The following SLC25A13 variants were observed in gnomAD, a reference collection of about 807,000 sequenced individuals.
SLC25A13 encodes the protein solute carrier family 25 member 13.
SLC25A13 carries 70 observed loss-of-function variants against 85.5 expected under a neutral mutation model. That is an observed-to-expected ratio of 0.82 (90% confidence interval 0.68 to 1.00). The LOEUF is 1.00. SLC25A13 is among the 50% of genes least tolerant of loss of function. SLC25A13 has a pLI of 0.00. For missense variants in SLC25A13, 765 were observed against 819.8 expected (o/e 0.93, Z 0.82); for synonymous variants, 259 against 288.7 (o/e 0.90, Z 1.04).
At chr7:96,224,030 T>C (rs1158460934) in intron 4 of SLC25A13, among the ~76,000 whole-genome samples, 1 of 152,100 alleles carries the variant, frequency 6.6e-6, no homozygotes, top group Admixed American at 6.6e-5. Flanking sequence ...TGGAAATGTT[T>C]TGCACCCCCC....
At chr7:96,273,673 C>T (rs1229657295) in intron 3 of SLC25A13, among the ~76,000 whole-genome samples, 1 of 152,112 alleles carries the variant, frequency 6.6e-6, no homozygotes, top group Non-Finnish European at 1.5e-5. Flanking sequence ...AAAAGTCAAT[C>T]TAGGTGAAGG....
At chr7:96,172,833 A>G (rs1382770644) in intron 11 of SLC25A13, among the ~76,000 whole-genome samples, 5 of 151,822 alleles carry the variant, frequency 3.3e-5, no homozygotes, top group Non-Finnish European at 5.9e-5. Context: ...ATCTCGGCTC[A>G]CTGCCAGCTC....
intron 1 of SLC25A13, among the ~76,000 whole-genome samples, chr7:96,308,942 A>C (rs1799858333): frequency 6.6e-6 from 1 of 152,210 alleles, no homozygotes; most frequent in Admixed American, 6.5e-5. Flanking sequence ...CAAATGGATT[A>C]ACTGAAATCT....
chr7:96,305,542 A>G (rs1185517813), intron 1 of SLC25A13, among the ~76,000 whole-genome samples: 1 of 152,218 alleles, frequency 6.6e-6, no homozygotes, highest in African/African-American at 2.4e-5. Context: ...TTTGTTACAT[A>G]TTAGCAAGTG....
intron 13 of SLC25A13, among the ~76,000 whole-genome samples, chr7:96,167,537 T>C (rs1381430715): frequency 6.6e-6 from 1 of 152,218 alleles, no homozygotes; most frequent in East Asian, 1.9e-4. Context: ...CAGCTTTGGT[T>C]ACAAGTGCAA....
chr7:96,317,244 G>T (rs1294210646), intron 1 of SLC25A13, among the ~76,000 whole-genome samples: 1 of 152,036 alleles, frequency 6.6e-6, no homozygotes, highest in Non-Finnish European at 1.5e-5. Context: ...TGGGATTATA[G>T]GTGTGAGCCA....
chr7:96,206,484 G>A (rs1795467346), intron 5 of SLC25A13, among the ~76,000 whole-genome samples: 1 of 152,202 alleles, frequency 6.6e-6, no homozygotes, highest in East Asian at 1.9e-4. Flanking sequence ...GAAATGGAAG[G>A]AAGGAAGAAA....
At chr7:96,237,046 C>G (rs1240944936) in intron 3 of SLC25A13, among the ~76,000 whole-genome samples, 1 of 152,176 alleles carries the variant, frequency 6.6e-6, no homozygotes, top group Non-Finnish European at 1.5e-5. Context: ...CAACAGCATG[C>G]CCAAGACACT....
Position 96,121,930 on chromosome 7 carries a change from C to T in SLC25A13, c.1659G>A (p.Arg553=), listed in dbSNP as rs760210666. The T allele has an allele frequency of 6.2e-7, 1 of 1,614,092 alleles. No individual in the cohort carries two copies. The highest frequency in any genetic ancestry group is 8.5e-7 in the Non-Finnish European group (1 of 1,180,012). The change falls in exon 16 of 18, where the codon CGG becomes CGA. Residue 553 remains arginine, a synonymous_variant. Transcript: ENST00000265631. ...CTCCGCTGTAAGTGGTTTGGCCAGC[C>T]CGGGCAGCCACCTGTAATCTCGTCT... ...VIKTRLQVAA[R]AGQTTYSGVI...
intron 3 of SLC25A13, among the ~76,000 whole-genome samples, chr7:96,242,971 C>CT (rs1025867287): frequency 1.7e-4 from 26 of 149,708 alleles, no homozygotes; most frequent in South Asian, 8.5e-4. Context: ...CAGTCTGACT[C>CT]TTTTTTTTTT....
intron 2 of SLC25A13, among the ~76,000 whole-genome samples, chr7:96,291,518 G>C (rs1342768582): frequency 6.6e-6 from 1 of 152,080 alleles, no homozygotes; most frequent in African/African-American, 2.4e-5. Flanking sequence ...CAACAAAATT[G>C]ATAGACTGCT....
intron 1 of SLC25A13, among the ~76,000 whole-genome samples, chr7:96,298,923 G>A (rs369715967): frequency 3.3e-5 from 5 of 152,144 alleles, no homozygotes; most frequent in East Asian, 3.9e-4. Flanking sequence ...AGAGAAGATG[G>A]GACAGCATAA....
intron 3 of SLC25A13, among the ~76,000 whole-genome samples, chr7:96,256,535 T>C (rs890280078): frequency 5.9e-5 from 9 of 152,112 alleles, no homozygotes; most frequent in African/African-American, 2.2e-4. Context: ...TAAATACATA[T>C]GGAGCCCATA....
intron 3 of SLC25A13, among the ~76,000 whole-genome samples, chr7:96,240,701 A>G (rs1174193777): frequency 6.7e-6 from 1 of 150,180 alleles, no homozygotes; most frequent in Admixed American, 6.7e-5. Context: ...CTATGACTGC[A>G]CCACTGCACT....
chr7:96,121,511 G>A, intron 17 of SLC25A13, 134 bp from the exon 18 acceptor site: 3 of 1,375,284 alleles, frequency 2.2e-6, no homozygotes, highest in African/African-American at 1.4e-5. Context: ...TGTTCCCCTT[G>A]GAAATGACCT....
intron 2 of SLC25A13, among the ~76,000 whole-genome samples, chr7:96,280,590 CT>C (rs1798637853): frequency 6.6e-6 from 1 of 152,076 alleles, no homozygotes; most frequent in Non-Finnish European, 1.5e-5. Flanking sequence ...TAACGTGCAC[CT>C]GTAGTCCCAG....
intron 3 of SLC25A13, among the ~76,000 whole-genome samples, chr7:96,258,107 A>G (rs1414889659): frequency 2.0e-5 from 3 of 152,242 alleles, no homozygotes; most frequent in African/African-American, 7.2e-5. Flanking sequence ...CGGACAGCCA[A>G]TATCATACTA....
intron 3 of SLC25A13, among the ~76,000 whole-genome samples, chr7:96,258,246 G>C (rs1283034485): frequency 6.6e-6 from 1 of 152,116 alleles, no homozygotes; most frequent in Non-Finnish European, 1.5e-5. Flanking sequence ...AAGAAATAAA[G>C]GGTATTTAAA....
At chr7:96,318,333 C>G (rs955175145) in intron 1 of SLC25A13, among the ~76,000 whole-genome samples, 22 of 152,242 alleles carry the variant, frequency 1.4e-4, no homozygotes, top group African/African-American at 4.8e-4. Flanking sequence ...AAGAAAAGGG[C>G]AGAGACGAAG....
Sources: allele counts gnomAD v4.1 joint callset (sites outside exome capture counted in the v4.1 genomes callset), GRCh38; gene constraint gnomAD v4.1.1; transcripts MANE v1.5; gene names NCBI Gene and HGNC (gene_info 2026-07-23, HGNC 2026-07-21).